TCP11L1: variants seen among roughly 807,000 people sequenced by gnomAD.
TCP11L1 encodes the protein t-complex 11 like 1, also known as T-complex protein 11-like protein 1.
TCP11L1 carries 28 observed loss-of-function variants against 48.9 expected under a neutral mutation model. That is an observed-to-expected ratio of 0.57 (90% confidence interval 0.42 to 0.78). The LOEUF (loss-of-function observed/expected upper bound fraction) is 0.78. Ranked by LOEUF, TCP11L1 falls within the 30% of genes least tolerant of loss-of-function variation. TCP11L1 has a pLI of 0.00. For synonymous variants in TCP11L1, 204 were observed against 231.9 expected, an observed-to-expected ratio of 0.88 and a Z score of 1.09; for missense variants, 505 against 613.4, an observed-to-expected ratio of 0.82 and a Z score of 1.87.
intron 9 of TCP11L1, among the ~76,000 whole-genome samples, chr11:33,069,358 A>C (rs1854710960): frequency 6.6e-6 from 1 of 151,742 alleles, no homozygotes; most frequent in Non-Finnish European, 1.5e-5. Context: ...TTAACATATC[A>C]AATATAATAA....
At chr11:33,065,758 C>T in intron 7 of TCP11L1, 72 bp from the exon 8 acceptor site, 1 of 1,530,038 alleles carries the variant, frequency 6.5e-7, no homozygotes. Flanking sequence ...GGTGTGGGGG[C>T]TGTGGCGCTC....
intron 7 of TCP11L1, among the ~76,000 whole-genome samples, chr11:33,062,333 T>A (rs911122652): frequency 7.1e-6 from 1 of 141,024 alleles, no homozygotes; most frequent in Admixed American, 7.0e-5. Flanking sequence ...GCCACAGATC[T>A]GCTTTCTGTC....
intron 5 of TCP11L1, among the ~76,000 whole-genome samples, 169 bp downstream of exon 5, chr11:33,058,308 C>T (rs1353290949): frequency 1.3e-5 from 2 of 151,498 alleles, no homozygotes; most frequent in Admixed American, 6.6e-5. Context: ...AAGCAATTGT[C>T]GTGCCTCAGC....
chr11:33,050,067 C>CT (rs34046549), intron 2 of TCP11L1, among the ~76,000 whole-genome samples: 44,717 of 152,042 alleles, frequency 0.29, 6,951 homozygotes, highest in East Asian at 0.41. Context: ...CCTTCAAGCA[C>CT]TTTTTTAACA....
chr11:33,050,567 T>C (rs1854129579), intron 2 of TCP11L1, among the ~76,000 whole-genome samples: 1 of 152,130 alleles, frequency 6.6e-6, no homozygotes, highest in Admixed American at 6.5e-5. Flanking sequence ...TAGTCCCAGC[T>C]ATTTGGGAGG....
chr11:33,042,508 C>G (rs911639717), intron 1 of TCP11L1, among the ~76,000 whole-genome samples: 2 of 152,062 alleles, frequency 1.3e-5, no homozygotes, highest in African/African-American at 4.8e-5. Flanking sequence ...TGATCAGCAA[C>G]TAATAAAAAG....
In TCP11L1 at chr11:33,039,771, G is replaced by C. The variant is rs527270110; in HGVS notation, c.-46G>C. On this transcript the variant is annotated 5_prime_UTR_variant, in exon 1 of 10. Transcript: ENST00000334274. The stretch of plus-strand genomic sequence containing the variant: ...GATTCGCGGCGGGAGCGGCAGGAGG[G>C]AGAACGCCGACTCCGTGGCAGGTGA... 1.3e-5 allele frequency: 2 copies of C among 152,490 alleles called. No individual in the cohort carries two copies. The highest frequency in any genetic ancestry group is 3.9e-4 in the East Asian group (2 of 5,172). The allele number at this position is 152,490 out of a possible 1,614,324, so 9.4% of individuals were successfully genotyped here.
intron 4 of TCP11L1, 100 bp downstream of exon 4, chr11:33,057,335 C>G (rs761563557): frequency 6.1e-5 from 95 of 1,550,598 alleles, no homozygotes; most frequent in Non-Finnish European, 8.2e-5. Flanking sequence ...ATTGAAGGAT[C>G]AAGAAGTTAA....
At chr11:33,051,874 T>C (rs765470985) in intron 2 of TCP11L1, among the ~76,000 whole-genome samples, 2 of 152,242 alleles carry the variant, frequency 1.3e-5, no homozygotes, top group Non-Finnish European at 2.9e-5. Flanking sequence ...TTATAATAAG[T>C]CTTGAAATCA....
Position 33,068,720 on chromosome 11 carries a change from C to G in TCP11L1, c.1188C>G (p.Ile396Met). ...ATCTGAAGGACGTCCTCACTACCAT[C>G]GGGGAGAAGGTGTGCCTGGAGGTGA... is the stretch of plus-strand genomic sequence containing the variant. ...SFHLKDVLTT[I>M]GEKVCLEVSS... Residue 396 changes from isoleucine (I) to methionine (M), a missense_variant, in exon 9 of 10, where the codon ATC (isoleucine) becomes ATG (methionine). Coordinates refer to ENST00000334274, the MANE Select transcript of TCP11L1 (RefSeq NM_018393.4). 1 of 1,614,136 alleles carries G rather than the reference C, an allele frequency of 6.2e-7. No individual in the cohort carries two copies.
At chr11:33,058,161 A>C (rs1169126803) in intron 5 of TCP11L1, 22 bp downstream of exon 5, 1 of 1,574,702 alleles carries the variant, frequency 6.4e-7, no homozygotes, top group African/African-American at 1.4e-5. Flanking sequence ...TGTTAATCAT[A>C]CTCCGTGCAA....
chr11:33,068,670 C>T lies in TCP11L1; in HGVS notation c.1155-17C>T. 1 of 1,611,304 alleles carries T rather than the reference C, an allele frequency of 6.2e-7. No individual in the cohort carries two copies. Among genetic ancestry groups the T allele is most frequent in the East Asian group, 2.2e-5 (1 of 44,772 alleles). The stretch of plus-strand genomic sequence containing the variant: ...TGTATTTTACTTATAGGCCCTTTCT[C>T]CCCTCCTCTGCCCCAGCTCCTTCCA... On this transcript the variant is annotated splice_polypyrimidine_tract_variant and intron_variant, in intron 8 of 9. Transcript: ENST00000334274.
chr11:33,072,038 G>C (rs1264115348), intron 9 of TCP11L1, among the ~76,000 whole-genome samples: 3 of 152,126 alleles, frequency 2.0e-5, no homozygotes, highest in African/African-American at 7.2e-5. Context: ...TAGAGACGGG[G>C]CTTCACCACA....
Position 33,057,205 on chromosome 11 carries a change from T to A in TCP11L1, c.387T>A (p.His129Gln), listed in dbSNP as rs1769441230. 6.2e-7 allele frequency: 1 copy of A among 1,614,112 alleles called. No individual in the cohort carries two copies. Among genetic ancestry groups the A allele is most frequent in the Non-Finnish European group, 8.5e-7 (1 of 1,180,018 alleles). Reference protein sequence around the residue: ...QLSEDPPAYDHAIKLVGEIKE... With the variant: ...QLSEDPPAYDQAIKLVGEIKE... ...GTGAAGATCCCCCAGCATATGACCATGCTATCAAACTTGTAGGAGAAATCA... is the reference window on the plus strand; with the variant it reads ...GTGAAGATCCCCCAGCATATGACCAAGCTATCAAACTTGTAGGAGAAATCA... Residue 129 changes from histidine (H) to glutamine (Q), a missense_variant, in exon 4 of 10, where the codon CAT becomes CAA. His to Gln is a conservative substitution (Grantham distance 24). Coordinates refer to ENST00000334274, the MANE Select transcript of TCP11L1 (RefSeq NM_018393.4).
chr11:33,059,491 G>C (rs1663877081), intron 6 of TCP11L1, among the ~76,000 whole-genome samples: 1 of 152,116 alleles, frequency 6.6e-6, no homozygotes. Flanking sequence ...ATTTAACTTT[G>C]CTTTTGTTCT....
Position 33,043,795 on chromosome 11 carries a change from T to C in TCP11L1, c.22T>C (p.Ser8Pro). 1.2e-6 allele frequency: 2 copies of C among 1,612,384 alleles called. No individual in the cohort carries two copies. Among genetic ancestry groups the C allele is most frequent in the South Asian group, 2.2e-5 (2 of 90,628 alleles). ...GAGAATGTCTGAAAACCTTGACAAGTCCAATGTAAATGAAGCAGGAAAATC... is the reference window on the plus strand; with the variant it reads ...GAGAATGTCTGAAAACCTTGACAAGCCCAATGTAAATGAAGCAGGAAAATC... MSENLDK[S>P]NVNEAGKSKS... The change falls in exon 2 of 10, where the codon TCC becomes CCC. Residue 8 changes from serine to proline, a missense_variant. Physicochemically the swap from Ser to Pro is moderately conservative, Grantham distance 74 (BLOSUM62 -1). This residue lies in a region of TCP11L1 where 168 missense variants were observed against 183.5 expected (regional missense o/e 0.92). Coordinates refer to ENST00000334274, the MANE Select transcript of TCP11L1 (RefSeq NM_018393.4).
intron 3 of TCP11L1, among the ~76,000 whole-genome samples, chr11:33,055,335 C>G (rs1005659767): frequency 6.6e-6 from 1 of 152,160 alleles, no homozygotes; most frequent in African/African-American, 2.4e-5. Flanking sequence ...TTAGCCTGTC[C>G]TCATGGTTGC....
At chr11:33,054,551 G>T in intron 2 of TCP11L1, 42 bp from the exon 3 acceptor site, 1 of 1,588,116 alleles carries the variant, frequency 6.3e-7, no homozygotes, top group Non-Finnish European at 8.5e-7. Flanking sequence ...TAGAAATTCA[G>T]ATCCAGGGAA....
At chr11:33,066,547 C>A (rs1854625752) in intron 8 of TCP11L1, among the ~76,000 whole-genome samples, 1 of 151,944 alleles carries the variant, frequency 6.6e-6, no homozygotes, top group African/African-American at 2.4e-5. Flanking sequence ...GCTTAGAGGT[C>A]CCGCGGCCCT....
Sources: allele counts gnomAD v4.1 joint callset (sites outside exome capture counted in the v4.1 genomes callset), GRCh38; gene constraint gnomAD v4.1.1; regional missense constraint gnomAD v4.1.1; transcripts MANE v1.5; gene names NCBI Gene and HGNC (gene_info 2026-07-23, HGNC 2026-07-21).